ADAMTSL1: variants seen among roughly 807,000 people sequenced by gnomAD.
The protein encoded by ADAMTSL1 is ADAMTS like 1.
ADAMTSL1 carries 126 observed loss-of-function variants against 201.8 expected under a neutral mutation model. The ratio of observed to expected loss-of-function variants is 0.62; its 90% CI spans 0.54 to 0.72. The LOEUF is 0.72. ADAMTSL1 is among the 30% of genes least tolerant of loss of function. The probability of loss-of-function intolerance (pLI) is 0.00; values close to 1 mark genes in which losing one functional copy is unlikely to be tolerated. For synonymous variants in ADAMTSL1, 1,121 were observed against 903.4 expected, an observed-to-expected ratio of 1.24 and a Z score of -4.32; for missense variants, 2,679 against 2,277.8, an observed-to-expected ratio of 1.18 and a Z score of -3.59.
In ADAMTSL1 at chr9:18,633,447, G is replaced by A. The variant is rs1462598747; in HGVS notation, c.602-2496G>A. Among the ~76,000 whole-genome samples, 7 of 151,830 alleles carry A rather than the reference G, an allele frequency of 4.6e-5. No individual in the cohort carries two copies. In the East Asian group the frequency reaches 5.8e-4, roughly 13 times the overall value. On this transcript the variant is annotated intron_variant, in intron 5 of 28. Coordinates refer to ENST00000380548, the MANE Select transcript of ADAMTSL1 (RefSeq NM_001040272.6). Reference sequence around the variant, plus strand: ...TCTACTAAAAATACAAAAATTAGCCGGGCTGCAGTGGCAGAAGTCTGTAAT... The same window carrying A: ...TCTACTAAAAATACAAAAATTAGCCAGGCTGCAGTGGCAGAAGTCTGTAAT...
intron 2 of ADAMTSL1, among the ~76,000 whole-genome samples, chr9:18,370,527 A>T (rs796555162): frequency 6.7e-4 from 102 of 152,304 alleles, no homozygotes; most frequent in African/African-American, 2.3e-3. Context: ...ATGCACGCCA[A>T]TGGCTCAATA....
At chr9:17,977,559 T>C (rs998910006) in intron 1 of ADAMTSL1, among the ~76,000 whole-genome samples, 4 of 152,102 alleles carry the variant, frequency 2.6e-5, no homozygotes, top group Admixed American at 1.3e-4. Flanking sequence ...CACTTTTTTA[T>C]AGGTTATTAA....
intron 2 of ADAMTSL1, among the ~76,000 whole-genome samples, chr9:18,392,665 A>G (rs1407824180): frequency 2.0e-5 from 3 of 152,250 alleles, no homozygotes; most frequent in Admixed American, 6.5e-5. Flanking sequence ...TCAAAAACAT[A>G]GTAGGATGAT....
At position 18,329,978 on chromosome 9, in the gene ADAMTSL1, C is replaced by G. The variant is rs187312784; in HGVS notation, c.207+165997C>G. On this transcript the variant is annotated intron_variant, in intron 2 of 29. Transcript: ENST00000680146. ...TTATCTGTATATGTCATATGTAATT[C>G]TTAGGCATTTAATTTCTGAGTCTTG... Among the ~76,000 whole-genome samples, 573 of 152,270 alleles carry G rather than the reference C, an allele frequency of 3.8e-3. 4 individuals are homozygous for G. Among genetic ancestry groups the G allele is most frequent in the African/African-American group, 0.013 (526 of 41,548 alleles).
At chr9:18,111,412 A>G (rs1034904738) in intron 1 of ADAMTSL1, among the ~76,000 whole-genome samples, 1 of 152,224 alleles carries the variant, frequency 6.6e-6, no homozygotes, top group East Asian at 1.9e-4. Flanking sequence ...CTTCTCATTT[A>G]TTTACACTTA....
chr9:18,301,102 C>T (rs886461075), intron 2 of ADAMTSL1, among the ~76,000 whole-genome samples: 10 of 152,010 alleles, frequency 6.6e-5, no homozygotes, highest in Admixed American at 2.0e-4. Flanking sequence ...TGGATTCAAT[C>T]GAAACTTATT....
At chr9:18,600,637 C>T (rs1824588131) in intron 4 of ADAMTSL1, among the ~76,000 whole-genome samples, 1 of 152,154 alleles carries the variant, frequency 6.6e-6, no homozygotes, top group Admixed American at 6.5e-5. Flanking sequence ...CTGCTTTCAT[C>T]TCATCTAGCT....
In ADAMTSL1 at chr9:18,753,518, G is replaced by T; in HGVS notation, c.2217+10G>T. Reference sequence around the variant, plus strand: ...TGCACAGTGGCAGCCGGTGAGTTCTGAAGTTACTCAATATTGGAGCTTTTG... The same window carrying T: ...TGCACAGTGGCAGCCGGTGAGTTCTTAAGTTACTCAATATTGGAGCTTTTG... On this transcript the variant is annotated intron_variant, in intron 16 of 28. Transcript: ENST00000380548. 6.2e-7 allele frequency: 1 copy of T among 1,605,698 alleles called. No homozygotes were observed.
At chr9:18,616,374 G>C (rs1825702214) in intron 4 of ADAMTSL1, among the ~76,000 whole-genome samples, 1 of 152,138 alleles carries the variant, frequency 6.6e-6, no homozygotes, top group South Asian at 2.1e-4. Flanking sequence ...TTCATCAGAG[G>C]TTATTAGAGC....
At chr9:18,709,116 C>T (rs1455004879) in intron 14 of ADAMTSL1, among the ~76,000 whole-genome samples, 1 of 152,156 alleles carries the variant, frequency 6.6e-6, no homozygotes, top group African/African-American at 2.4e-5. Context: ...AACCTACTTA[C>T]CTTCAGTTAT....
At chr9:18,483,779 A>T (rs1821849712) in intron 1 of ADAMTSL1, among the ~76,000 whole-genome samples, 1 of 152,196 alleles carries the variant, frequency 6.6e-6, no homozygotes, top group Admixed American at 6.5e-5. Context: ...GTGAGCCGAG[A>T]TTGTGCCACT....
intron 1 of ADAMTSL1, among the ~76,000 whole-genome samples, chr9:17,925,971 A>T (rs889625930): frequency 1.3e-5 from 2 of 152,182 alleles, no homozygotes; most frequent in African/African-American, 4.8e-5. Flanking sequence ...TTGTTGCTAC[A>T]TTCTTGGAGG....
chr9:17,947,610 G>A (rs149837903), intron 1 of ADAMTSL1, among the ~76,000 whole-genome samples: 8 of 152,158 alleles, frequency 5.3e-5, no homozygotes, highest in African/African-American at 1.9e-4. Context: ...CTTAAGACAC[G>A]GTGAATTTCC....
intron 23 of ADAMTSL1, among the ~76,000 whole-genome samples, chr9:18,848,699 GCAAA>G (rs1417135473): frequency 6.6e-6 from 1 of 152,170 alleles, no homozygotes; most frequent in Non-Finnish European, 1.5e-5. Flanking sequence ...CCAGAGTTGG[GCAAA>G]CATTTTCTGT....
intron 16 of ADAMTSL1, among the ~76,000 whole-genome samples, chr9:18,769,624 A>C (rs1018500314): frequency 3.3e-5 from 5 of 152,170 alleles, no homozygotes; most frequent in Non-Finnish European, 5.9e-5. Context: ...ATGGAAGCTT[A>C]CATTTCAGAC....
At chr9:18,871,273 A>G (rs1827857277) in intron 23 of ADAMTSL1, among the ~76,000 whole-genome samples, 1 of 152,160 alleles carries the variant, frequency 6.6e-6, no homozygotes, top group African/African-American at 2.4e-5. Flanking sequence ...ATCCATTCCA[A>G]CAATTCTTAT....
chr9:18,778,282 C>A (rs1821181851), intron 19 of ADAMTSL1, among the ~76,000 whole-genome samples: 1 of 152,188 alleles, frequency 6.6e-6, no homozygotes, highest in Non-Finnish European at 1.5e-5. Context: ...CATGGAAAAG[C>A]TTTGACACTG....
intron 2 of ADAMTSL1, among the ~76,000 whole-genome samples, chr9:18,320,950 A>T (rs1834591617): frequency 6.6e-6 from 1 of 152,048 alleles, no homozygotes. Context: ...ATAGAAAACA[A>T]ATAACAAAAT....
At chr9:18,694,507 T>A (rs929923731) in intron 13 of ADAMTSL1, among the ~76,000 whole-genome samples, 2 of 152,060 alleles carry the variant, frequency 1.3e-5, no homozygotes, top group African/African-American at 4.8e-5. Context: ...ACGGGAGAAA[T>A]TAGCCCAAAC....
Sources: gnomAD v4.1 joint callset for allele counts (sites outside exome capture counted in the v4.1 genomes callset) on GRCh38, gnomAD v4.1.1 for gene constraint, MANE v1.5 for transcripts, NCBI Gene and HGNC (gene_info 2026-07-23, HGNC 2026-07-21) for gene names.